The following LBR variants were observed in gnomAD, a reference collection of about 807,000 sequenced individuals.
LBR encodes lamin B receptor.
Under a neutral mutation model 74.3 loss-of-function variants are expected in LBR, and 28 were observed. That is an observed-to-expected ratio of 0.38 (90% confidence interval 0.28 to 0.52). The LOEUF (loss-of-function observed/expected upper bound fraction) is 0.52. LBR is among the 20% of genes least tolerant of loss of function. The pLI, the probability that LBR is intolerant of heterozygous loss-of-function variation, is 0.89. For missense variants in LBR, 717 were observed against 760.3 expected (o/e 0.94, Z 0.67); for synonymous variants, 228 against 269.3 (o/e 0.85, Z 1.50).
At chr1:225,423,339 T>C (rs2096131756) in intron 2 of LBR, among the ~76,000 whole-genome samples, 1 of 152,174 alleles carries the variant, frequency 6.6e-6, no homozygotes, top group East Asian at 1.9e-4. Context: ...TCGAATCTAA[T>C]TAATGTCACT....
At chr1:225,413,850 T>A in intron 7 of LBR, 1 of 406,566 alleles carries the variant, frequency 2.5e-6, no homozygotes. Context: ...GGCCAGCCAC[T>A]CCCCCACTGG....
At chr1:225,406,887 A>C (rs1457433141) in intron 10 of LBR, 55 bp from the exon 11 acceptor site, 6 of 1,550,446 alleles carry the variant, frequency 3.9e-6, no homozygotes, top group Admixed American at 3.4e-5. Flanking sequence ...TAAAGTATTC[A>C]AATAAAGTAC....
chr1:225,411,191 G>GA, intron 9 of LBR, 146 bp downstream of exon 9: 1 of 704,732 alleles, frequency 1.4e-6, no homozygotes, highest in East Asian at 2.6e-5. Flanking sequence ...ATACTTACAA[G>GA]AAAGTATTTT....
chr1:225,422,330 G>T, intron 2 of LBR, 53 bp from the exon 3 acceptor site: 1 of 1,406,158 alleles, frequency 7.1e-7, no homozygotes, highest in African/African-American at 1.4e-5. Context: ...AACACATACA[G>T]ACAGACCCAC....
intron 10 of LBR, among the ~76,000 whole-genome samples, chr1:225,407,942 G>T (rs2096095928): frequency 6.6e-6 from 1 of 151,984 alleles, no homozygotes; most frequent in Admixed American, 6.6e-5. Context: ...TATTTATGGG[G>T]TACACAGTGA....
chr1:225,422,352 A>C, intron 2 of LBR, 75 bp from the exon 3 acceptor site: 4 of 1,218,072 alleles, frequency 3.3e-6, no homozygotes, highest in Non-Finnish European at 4.7e-6. Flanking sequence ...CTAGAAGAGG[A>C]TAACAAAGGC....
chr1:225,405,589 T>C (rs1279229429), intron 11 of LBR, among the ~76,000 whole-genome samples: 2 of 152,110 alleles, frequency 1.3e-5, no homozygotes, highest in Admixed American at 1.3e-4. Flanking sequence ...CTCTTGTCCT[T>C]CCACCTTCCA....
At chr1:225,420,021 C>A (rs1198537017) in intron 3 of LBR, among the ~76,000 whole-genome samples, 1 of 152,124 alleles carries the variant, frequency 6.6e-6, no homozygotes, top group Non-Finnish European at 1.5e-5. Flanking sequence ...TAAAATCTTT[C>A]ATCTGGCCAG....
intron 10 of LBR, among the ~76,000 whole-genome samples, 161 bp downstream of exon 10, chr1:225,410,130 C>T (rs1264732055): frequency 6.6e-6 from 1 of 152,190 alleles, no homozygotes; most frequent in Non-Finnish European, 1.5e-5. Context: ...TGTCAGTGCT[C>T]CCTCGTCAGC....
intron 10 of LBR, 110 bp from the exon 11 acceptor site, chr1:225,406,942 T>C (rs1290556943): frequency 1.9e-6 from 2 of 1,027,972 alleles, no homozygotes; most frequent in Non-Finnish European, 1.5e-6. Context: ...GGGTCCACAA[T>C]CAACATTTTT....
At position 225,406,696 on chromosome 1, in the gene LBR, C is replaced by G. The variant is rs751503823; in HGVS notation, c.1451G>C (p.Trp484Ser). 5 of 1,613,598 alleles carry G rather than the reference C, an allele frequency of 3.1e-6. No homozygotes were observed. In the Admixed American group the frequency reaches 8.3e-5, roughly 27 times the overall value. Residue 484 changes from tryptophan to serine, a missense_variant, in exon 11 of 14, where the codon TGG (tryptophan) becomes TCG (serine). Coordinates refer to ENST00000272163, the MANE Select transcript of LBR (RefSeq NM_002296.4). ...AACAATAATTAGAGAAGCCATTGGCCAAGACACTTCATTTGGATGACTGAC... is the reference window on the plus strand; with the variant it reads ...AACAATAATTAGAGAAGCCATTGGCGAAGACACTTCATTTGGATGACTGAC... ...YLVSHPNEVSWPMASLIIVLK... is the reference protein window; with the variant it reads ...YLVSHPNEVSSPMASLIIVLK...
At chr1:225,425,453 G>A (rs2096137297) in intron 1 of LBR, among the ~76,000 whole-genome samples, 1 of 152,142 alleles carries the variant, frequency 6.6e-6, no homozygotes, top group Non-Finnish European at 1.5e-5. Context: ...GGGCATCACT[G>A]GGGTAATGAA....
rs149483088 is a variant in LBR, at chr1:225,410,366, G to A, written c.1239C>T (p.Arg413=). ...AAATCATGGCCAAGGATGGAACAGC[G>A]CGGTCCTGTATTTTCATTTCAGCCA... ...MLLAEMKIQD[R]AVPSLAMILV... The change falls in exon 10 of 14, where the codon CGC becomes CGT. Residue 413 remains arginine (R), a synonymous_variant. Transcript: ENST00000272163. 1.2e-4 allele frequency: 194 copies of A among 1,614,142 alleles called. No homozygotes were observed. The highest frequency in any genetic ancestry group is 1.6e-4 in the African/African-American group (12 of 75,026).
At position 225,406,661 on chromosome 1, in the gene LBR, C is replaced by T; in HGVS notation, c.1483+3G>A. 4 of 1,608,430 alleles carry T rather than the reference C, an allele frequency of 2.5e-6. No individual in the cohort carries two copies. Among genetic ancestry groups the T allele is most frequent in the Non-Finnish European group, 3.4e-6 (4 of 1,177,328 alleles). On this transcript the variant is annotated splice_donor_region_variant and intron_variant, in intron 11 of 13. Coordinates refer to ENST00000272163, the MANE Select transcript of LBR (RefSeq NM_002296.4). ...TTAAACTGAGACTAAAATTAATACTCACGTTTCAGAACAATAATTAGAGAA... is the reference window on the plus strand; with the variant it reads ...TTAAACTGAGACTAAAATTAATACTTACGTTTCAGAACAATAATTAGAGAA...
At chr1:225,423,850 ATACT>A (rs1380465191) in intron 2 of LBR, 57 bp downstream of exon 2, 5 of 1,488,098 alleles carry the variant, frequency 3.4e-6, no homozygotes, top group Non-Finnish European at 4.7e-6. Flanking sequence ...CTTAGAAACC[ATACT>A]TAGAGTTATT....
intron 1 of LBR, 40 bp from the exon 2 acceptor site, chr1:225,424,129 C>G: frequency 7.2e-7 from 1 of 1,395,386 alleles, no homozygotes; most frequent in Non-Finnish European, 1.0e-6. Context: ...TCAATACATA[C>G]ACATTTATGT....
In LBR at chr1:225,424,036, C is replaced by T. The variant is rs773037367; in HGVS notation, c.40G>A (p.Gly14Ser). ...TAAAGTGAACTCCCAGGCCATCGAC[C>T]TCTTACCACTTCACCATCGGCAAAT... Reference protein sequence around the residue: ...RKFADGEVVRGRWPGSSLYYE... With the variant: ...RKFADGEVVRSRWPGSSLYYE... The change falls in exon 2 of 14, where the codon GGT becomes AGT. Residue 14 changes from glycine (G) to serine (S), a missense_variant. Gly to Ser is a moderately conservative substitution (Grantham distance 56). Coordinates refer to ENST00000272163, the MANE Select transcript of LBR (RefSeq NM_002296.4). The T allele has an allele frequency of 1.2e-6, 2 of 1,613,980 alleles. No homozygotes were observed. The highest frequency in any genetic ancestry group is 1.3e-5 in the African/African-American group (1 of 74,888).
At chr1:225,411,650 G>A (rs1447111437) in intron 8 of LBR, among the ~76,000 whole-genome samples, 1 of 152,204 alleles carries the variant, frequency 6.6e-6, no homozygotes, top group African/African-American at 2.4e-5. Context: ...CCAGCCTTTG[G>A]GGGAGCCGGG....
In LBR at chr1:225,403,185, G is replaced by GA. The variant is rs377281070; in HGVS notation, c.*117dup. The GA allele has an allele frequency of 9.4e-3, 7,785 of 826,882 alleles. No individual in the cohort carries two copies. Among genetic ancestry groups the GA allele is most frequent in the Non-Finnish European group, 0.012 (6,012 of 521,778 alleles). 51.2% of individuals were successfully genotyped at this position (826,882 alleles called of 1,614,324 possible). A position where few individuals can be genotyped will look rare whatever the true frequency, so the allele number is the denominator to read the frequency against. On this transcript the variant is annotated 3_prime_UTR_variant, in exon 14 of 14. Coordinates refer to ENST00000272163, the MANE Select transcript of LBR (RefSeq NM_002296.4). ...CGGCTCCATAGTCCTGACTCAAAAA[G>GA]AAAAAAAAAAGTACAGACCCTGTCA...
Sources: gnomAD v4.1 joint callset for allele counts (sites outside exome capture counted in the v4.1 genomes callset) on GRCh38, gnomAD v4.1.1 for gene constraint, MANE v1.5 for transcripts, NCBI Gene and HGNC (gene_info 2026-07-23, HGNC 2026-07-21) for gene names.